The following CSMD1 variants were observed in gnomAD, a reference collection of about 807,000 sequenced individuals.
CSMD1 encodes the protein CUB and sushi domain-containing protein 1.
CSMD1 carries 213 observed loss-of-function variants against 417.5 expected under a neutral mutation model. The observed-to-expected ratio is 0.51, with a 90% CI of 0.46 to 0.57. The LOEUF (loss-of-function observed/expected upper bound fraction) is 0.57, where lower values mean the gene tolerates loss of function less well. Ranked by LOEUF, CSMD1 falls within the 20% of genes least tolerant of loss-of-function variation. The pLI, the probability that CSMD1 is intolerant of heterozygous loss-of-function variation, is 0.00. For missense variants in CSMD1, 6,923 were observed against 4,529.7 expected, an observed-to-expected ratio of 1.53 and a Z score of -15.17; for synonymous variants, 2,862 against 1,736.8, an observed-to-expected ratio of 1.65 and a Z score of -16.11.
Position 4,427,515 on chromosome 8 carries a change from G to A in CSMD1, c.303-7450C>T, listed in dbSNP as rs541677367. 1.5e-3 allele frequency among the ~76,000 whole-genome samples: 220 copies of A among 148,626 alleles called. 1 individual carries two copies. The highest frequency in any genetic ancestry group is 5.3e-3 in the African/African-American group (210 of 39,686). ...CACACACACACACACACACACACAT[G>A]CACACTCAAACACACACAGTGAATC... On this transcript the variant is annotated intron_variant, in intron 2 of 69. Transcript: ENST00000635120.
chr8:3,109,004 C>CCT (rs1228695965), intron 43 of CSMD1, among the ~76,000 whole-genome samples: 1 of 152,214 alleles, frequency 6.6e-6, no homozygotes, highest in Non-Finnish European at 1.5e-5. Flanking sequence ...GTGGCTCATG[C>CCT]CTGTCATCCC....
At chr8:4,144,475 G>A (rs768018751) in intron 3 of CSMD1, among the ~76,000 whole-genome samples, 54 of 151,072 alleles carry the variant, frequency 3.6e-4, no homozygotes, top group Non-Finnish European at 8.8e-5. Context: ...ATCCCATTCT[G>A]CAAATGGATA....
At chr8:4,410,098 G>C (rs1438742674) in intron 3 of CSMD1, among the ~76,000 whole-genome samples, 7 of 152,150 alleles carry the variant, frequency 4.6e-5, no homozygotes. Flanking sequence ...ACAGCCATGA[G>C]CCACCGTACC....
intron 10 of CSMD1, among the ~76,000 whole-genome samples, chr8:3,563,574 A>C (rs1799567080): frequency 6.6e-6 from 1 of 151,666 alleles, no homozygotes; most frequent in Non-Finnish European, 1.5e-5. Context: ...ACAAAAAAAC[A>C]AAACAAAAAC....
rs60952701 is a variant in CSMD1 at position 4,044,529 on chromosome 8, G to A, written c.416-12430C>T. Among the ~76,000 whole-genome samples, 1,307 of 152,284 alleles carry A rather than the reference G, an allele frequency of 8.6e-3. 21 individuals are homozygous for A. The highest frequency in any genetic ancestry group is 0.03 in the African/African-American group (1,245 of 41,554). On this transcript the variant is annotated intron_variant, in intron 3 of 69. Transcript: ENST00000635120. ...GGAGGAAGGACAGTCAGGAGGAGCAGGACACTTCATTCCATCTGTGATTCT... is the reference window on the plus strand; with the variant it reads ...GGAGGAAGGACAGTCAGGAGGAGCAAGACACTTCATTCCATCTGTGATTCT...
Position 4,652,295 on chromosome 8 carries a change from T to C in CSMD1, c.86-14737A>G, listed in dbSNP as rs564683389. ...TTTATACTTCGAGACCAGGAATAAC[T>C]GTGAAGAGACATTTGACATTTCTCA... On this transcript the variant is annotated intron_variant, in intron 1 of 69. Transcript: ENST00000635120. Among the ~76,000 whole-genome samples the C allele has an allele frequency of 5.3e-5, 8 of 152,282 alleles. No individual in the cohort carries two copies. The South Asian group carries it at 1.2e-3, about 24-fold the overall frequency.
At position 4,289,636 on chromosome 8, in the gene CSMD1, G is replaced by C. The variant is rs532387488; in HGVS notation, c.415+130317C>G. Among the ~76,000 whole-genome samples the C allele has an allele frequency of 1.6e-4, 25 of 152,298 alleles. No homozygotes were observed. The South Asian group carries it at 5.0e-3, about 30-fold the overall frequency. On this transcript the variant is annotated intron_variant, in intron 3 of 69. Coordinates refer to ENST00000635120, the MANE Select transcript of CSMD1 (RefSeq NM_033225.6). The stretch of plus-strand genomic sequence containing the variant: ...TGATGGTGGGGATCTGCTGGACGGA[G>C]TAGAGCAGCTGTCCATGGTCCTGAG...
chr8:3,991,050 C>T (rs769377309), intron 5 of CSMD1, among the ~76,000 whole-genome samples: 46 of 152,198 alleles, frequency 3.0e-4, no homozygotes, highest in Non-Finnish European at 5.6e-4. Flanking sequence ...ACTTGTGGGG[C>T]TGCAGCATCT....
intron 26 of CSMD1, among the ~76,000 whole-genome samples, chr8:3,266,036 G>A (rs1585855736): frequency 1.3e-5 from 2 of 151,930 alleles, no homozygotes; most frequent in African/African-American, 4.8e-5. Flanking sequence ...GTAGACATGA[G>A]CTGGAAATAG....
intron 3 of CSMD1, among the ~76,000 whole-genome samples, chr8:4,161,245 C>G (rs991638080): frequency 7.9e-5 from 12 of 152,210 alleles, no homozygotes; most frequent in African/African-American, 2.2e-4. Context: ...CTCTTACCAT[C>G]TGCATTTACA....
intron 1 of CSMD1, among the ~76,000 whole-genome samples, chr8:4,855,590 C>G (rs1801750346): frequency 6.6e-6 from 1 of 152,132 alleles, no homozygotes; most frequent in Admixed American, 6.5e-5. Context: ...GAGCTGAAAA[C>G]CAAGGCGCGA....
intron 40 of CSMD1, 132 bp downstream of exon 40, chr8:3,151,265 T>C: frequency 3.3e-6 from 2 of 597,256 alleles, no homozygotes; most frequent in Non-Finnish European, 5.9e-6. Context: ...AAAGCTTTAT[T>C]TAAATCTGTA....
intron 41 of CSMD1, among the ~76,000 whole-genome samples, chr8:3,140,769 C>T (rs1237258901): frequency 1.3e-5 from 2 of 151,792 alleles, no homozygotes; most frequent in African/African-American, 4.8e-5. Flanking sequence ...TTTTCAACCT[C>T]ATTTGATCTA....
At chr8:3,849,290 G>T (rs1204693624) in intron 5 of CSMD1, among the ~76,000 whole-genome samples, 3 of 152,128 alleles carry the variant, frequency 2.0e-5, no homozygotes, top group African/African-American at 7.2e-5. Flanking sequence ...CACAGACAAA[G>T]ATACAGGGCG....
At chr8:2,989,164 G>A (rs997600638) in intron 54 of CSMD1, among the ~76,000 whole-genome samples, 2 of 152,172 alleles carry the variant, frequency 1.3e-5, no homozygotes, top group African/African-American at 4.8e-5. Flanking sequence ...GCAGTAAACA[G>A]CAAGAATCCC....
At chr8:4,344,284 C>A (rs1800651770) in intron 3 of CSMD1, among the ~76,000 whole-genome samples, 1 of 152,120 alleles carries the variant, frequency 6.6e-6, no homozygotes, top group Admixed American at 6.6e-5. Flanking sequence ...TTCATTCTGT[C>A]ATGTGTCTAG....
chr8:4,819,442 CTT>C (rs1189584706), intron 1 of CSMD1, among the ~76,000 whole-genome samples: 1 of 150,050 alleles, frequency 6.7e-6, no homozygotes, highest in East Asian at 2.1e-4. Flanking sequence ...TCCCAACTGA[CTT>C]ATAGAAATAT....
chr8:3,097,325 T>A (rs954352786), intron 46 of CSMD1, among the ~76,000 whole-genome samples: 1 of 152,226 alleles, frequency 6.6e-6, no homozygotes, highest in Non-Finnish European at 1.5e-5. Context: ...GATTTCATCA[T>A]ACAATGCAAG....
At chr8:4,738,851 G>A (rs1810413272) in intron 1 of CSMD1, among the ~76,000 whole-genome samples, 3 of 151,364 alleles carry the variant, frequency 2.0e-5, no homozygotes, top group South Asian at 2.1e-4. Context: ...TACACAGGTT[G>A]CTTATTTAGG....
Sources: gnomAD v4.1 joint callset for allele counts (sites outside exome capture counted in the v4.1 genomes callset) on GRCh38, gnomAD v4.1.1 for gene constraint, MANE v1.5 for transcripts, NCBI Gene and HGNC (gene_info 2026-07-23, HGNC 2026-07-21) for gene names.